ITSN1: variants seen among roughly 807,000 people sequenced by gnomAD.
ITSN1 encodes intersectin 1.
Under a neutral mutation model 239.8 loss-of-function variants are expected in ITSN1, and 58 were observed. The observed-to-expected ratio is 0.24, with a 90% CI of 0.20 to 0.30. The LOEUF (loss-of-function observed/expected upper bound fraction) is 0.30, where lower values mean the gene tolerates loss of function less well. ITSN1 is among the 10% of genes least tolerant of loss of function. The pLI, the probability that ITSN1 is intolerant of heterozygous loss-of-function variation, is 1.00. For synonymous variants in ITSN1, 780 were observed against 770.8 expected (o/e 1.01, Z -0.20); for missense variants, 1,558 against 2,103.3 (o/e 0.74, Z 5.07).
intron 1 of ITSN1, among the ~76,000 whole-genome samples, chr21:33,678,681 T>C (rs1224557859): frequency 6.6e-6 from 1 of 152,200 alleles, no homozygotes; most frequent in Non-Finnish European, 1.5e-5. Context: ...TCTAAGGATA[T>C]GTGAGGAAGC....
At chr21:33,650,359 T>C (rs2088402560) in intron 1 of ITSN1, among the ~76,000 whole-genome samples, 1 of 152,204 alleles carries the variant, frequency 6.6e-6, no homozygotes, top group Non-Finnish European at 1.5e-5. Context: ...GCAACAAGAT[T>C]GGAATTGGAG....
chr21:33,831,118 A>G (rs2074267706), intron 27 of ITSN1, among the ~76,000 whole-genome samples: 1 of 152,218 alleles, frequency 6.6e-6, no homozygotes, highest in African/African-American at 2.4e-5. Context: ...CTTTTCATAC[A>G]GAAAGTGTGT....
intron 29 of ITSN1, among the ~76,000 whole-genome samples, chr21:33,844,439 C>T (rs1602568627): frequency 6.6e-6 from 1 of 152,214 alleles, no homozygotes; most frequent in African/African-American, 2.4e-5. Flanking sequence ...CTTTATTTCT[C>T]ATCACGGCAT....
chr21:33,771,267 C>T (rs2069136443), intron 11 of ITSN1, among the ~76,000 whole-genome samples: 1 of 152,170 alleles, frequency 6.6e-6, no homozygotes, highest in South Asian at 2.1e-4. Flanking sequence ...AGCTGCAGAT[C>T]TCAAGGCAGA....
At chr21:33,859,146 G>A (rs1181967205) in intron 31 of ITSN1, among the ~76,000 whole-genome samples, 1 of 152,206 alleles carries the variant, frequency 6.6e-6, no homozygotes, top group African/African-American at 2.4e-5. Context: ...CTCGGACGCG[G>A]GATCCCATGG....
intron 23 of ITSN1, 43 bp from the exon 24 acceptor site, chr21:33,819,198 T>G: frequency 6.8e-7 from 1 of 1,463,128 alleles, no homozygotes; most frequent in African/African-American, 1.4e-5. Context: ...ACGATTTTCT[T>G]TGAAGATAAA....
chr21:33,856,994 A>ATAGCATT, intron 30 of ITSN1, 137 bp downstream of exon 30: 1 of 781,290 alleles, frequency 1.3e-6, no homozygotes, highest in Non-Finnish European at 2.1e-6. Context: ...TGGATGGCAA[A>ATAGCATT]TGCTATAGGA....
chr21:33,729,179 A>G (rs1226799846), intron 4 of ITSN1, among the ~76,000 whole-genome samples: 2 of 152,164 alleles, frequency 1.3e-5, no homozygotes, highest in Non-Finnish European at 2.9e-5. Context: ...GGCCCAGTGC[A>G]GTGGCTCATG....
chr21:33,737,631 T>C (rs1296996542), intron 5 of ITSN1, among the ~76,000 whole-genome samples: 1 of 152,104 alleles, frequency 6.6e-6, no homozygotes, highest in Non-Finnish European at 1.5e-5. Flanking sequence ...TGGAGTGCAG[T>C]AGCATGATCT....
chr21:33,864,628 A>G (rs1296107502), intron 31 of ITSN1, among the ~76,000 whole-genome samples: 1 of 152,230 alleles, frequency 6.6e-6, no homozygotes, highest in Non-Finnish European at 1.5e-5. Flanking sequence ...GCAGCGAATC[A>G]CAGAGATACT....
Position 33,799,854 on chromosome 21 carries a change from G to A in ITSN1, c.2229G>A (p.Val743=), listed in dbSNP as rs767445132. 33 of 1,613,824 alleles carry A rather than the reference G, an allele frequency of 2.0e-5. No individual in the cohort carries two copies. Among genetic ancestry groups the A allele is most frequent in the Non-Finnish European group, 2.5e-5 (29 of 1,179,910 alleles). ...TISAQENVKV[V]YYRALYPFES... ...CTGCACAGGAAAATGTAAAAGTGGT[G>A]TATTACCGGGCACTGTACCCCTTTG... The change falls in exon 19 of 40, where the codon GTG becomes GTA. Residue 743 remains valine (V), a synonymous_variant. Coordinates refer to ENST00000381318, the MANE Select transcript of ITSN1 (RefSeq NM_003024.3).
intron 3 of ITSN1, 46 bp downstream of exon 3, chr21:33,721,316 G>C (rs777797790): frequency 6.8e-6 from 8 of 1,180,542 alleles, no homozygotes; most frequent in South Asian, 4.9e-5. Context: ...CAGTAGTGCA[G>C]ATGTCTGTGG....
chr21:33,811,193 C>T lies in ITSN1; in HGVS notation c.2538C>T (p.Thr846=), dbSNP rs1416442672. ...LAVTSSEPST[T]PNNWADFSST... ...TAACCTCTTCAGAGCCCTCCACGAC[C>T]CCTAATAACTGGGCCGACTTCAGCT... Residue 846 remains threonine, a synonymous_variant, in exon 21 of 40, where the codon ACC becomes ACT. Coordinates refer to ENST00000381318, the MANE Select transcript of ITSN1 (RefSeq NM_003024.3). 1 of 1,604,330 alleles carries T rather than the reference C, an allele frequency of 6.2e-7. No homozygotes were observed.
intron 26 of ITSN1, chr21:33,829,109 G>A (rs1406333997): frequency 2.3e-6 from 1 of 427,394 alleles, no homozygotes; most frequent in Non-Finnish European, 4.6e-6. Context: ...CAACAACATA[G>A]AAATAAGCCC....
chr21:33,710,081 GTTT>G (rs535357439), intron 1 of ITSN1, among the ~76,000 whole-genome samples: 1 of 131,354 alleles, frequency 7.6e-6, no homozygotes. Flanking sequence ...ATTTTTTTTT[GTTT>G]TTTTTTTTTT....
At chr21:33,715,766 A>G (rs185545058) in intron 1 of ITSN1, among the ~76,000 whole-genome samples, 121 of 152,206 alleles carry the variant, frequency 7.9e-4, no homozygotes, top group Non-Finnish European at 1.1e-3. Context: ...ATGTTAATTC[A>G]TAGCTGGGCA....
At chr21:33,733,205 G>A (rs1456041845) in intron 4 of ITSN1, among the ~76,000 whole-genome samples, 1 of 152,176 alleles carries the variant, frequency 6.6e-6, no homozygotes, top group East Asian at 1.9e-4. Flanking sequence ...CCTGGAAATT[G>A]TTCAGTCAGA....
At chr21:33,685,719 G>A (rs1216043015) in intron 1 of ITSN1, among the ~76,000 whole-genome samples, 2 of 151,642 alleles carry the variant, frequency 1.3e-5, no homozygotes, top group Non-Finnish European at 2.9e-5. Flanking sequence ...TCTCAGGCCA[G>A]TGTGTCTTTT....
chr21:33,759,190 C>T (rs1354570589), intron 8 of ITSN1, among the ~76,000 whole-genome samples: 3 of 152,210 alleles, frequency 2.0e-5, no homozygotes, highest in Non-Finnish European at 4.4e-5. Context: ...ATGCTTATAT[C>T]AGTGGATATG....
Sources: allele counts gnomAD v4.1 joint callset (sites outside exome capture counted in the v4.1 genomes callset), GRCh38; gene constraint gnomAD v4.1.1; transcripts MANE v1.5; gene names NCBI Gene and HGNC (gene_info 2026-07-23, HGNC 2026-07-21).